Variants in LEKR1 observed in about 807,000 individuals in gnomAD.
LEKR1 encodes protein LEKR1.
LEKR1 carries 59 observed loss-of-function variants against 72.4 expected under a neutral mutation model. The ratio of observed to expected loss-of-function variants is 0.82; its 90% confidence interval spans 0.66 to 1.01. The LOEUF is 1.01. Ranked by LOEUF, LEKR1 falls within the 50% of genes least tolerant of loss-of-function variation. LEKR1 has a pLI of 0.00. For synonymous variants in LEKR1, 257 were observed against 263.2 expected (o/e 0.98, Z 0.23); for missense variants, 728 against 759.2 (o/e 0.96, Z 0.48).
chr3:156,835,799 T>C (rs866361856), intron 2 of LEKR1, among the ~76,000 whole-genome samples: 1 of 145,290 alleles, frequency 6.9e-6, no homozygotes, highest in African/African-American at 2.6e-5. Flanking sequence ...CTTCCTCCCT[T>C]CCTTCCTTCC....
intron 10 of LEKR1, among the ~76,000 whole-genome samples, chr3:157,013,759 A>T (rs1050099790): frequency 1.3e-5 from 2 of 152,142 alleles, no homozygotes; most frequent in Non-Finnish European, 1.5e-5. Flanking sequence ...CTCATGAGAA[A>T]GGAGAATCAT....
intron 6 of LEKR1, among the ~76,000 whole-genome samples, chr3:156,943,427 A>T (rs553906399): frequency 6.6e-6 from 1 of 151,932 alleles, no homozygotes; most frequent in Admixed American, 6.6e-5. Context: ...TATGTGAATT[A>T]TTTCTATCTG....
intron 4 of LEKR1, among the ~76,000 whole-genome samples, chr3:156,923,879 C>T (rs189939249): frequency 0.016 from 2,482 of 152,196 alleles, 52 homozygotes; most frequent in African/African-American, 0.042. Context: ...AGGTGCCCGC[C>T]GCCATGCCTG....
At chr3:156,856,868 T>C (rs1661579894) in intron 3 of LEKR1, among the ~76,000 whole-genome samples, 1 of 152,130 alleles carries the variant, frequency 6.6e-6, no homozygotes, top group South Asian at 2.1e-4. Context: ...ATAGTGCCTG[T>C]CATCTTTTTA....
At chr3:157,045,189 C>A in intron 12 of LEKR1, 151 bp from the exon 13 acceptor site, 2 of 626,790 alleles carry the variant, frequency 3.2e-6, no homozygotes, top group Non-Finnish European at 5.4e-6. Context: ...CTGTTCTTGA[C>A]TTGTCTGTCC....
At position 156,896,328 on chromosome 3, in the gene LEKR1, C is replaced by G. The variant is rs370065513; in HGVS notation, c.264-24247C>G. ...TTACCTATGTAACAAACCTGCACAT[C>G]CTGCACATGTACCATGGAACTTAAA... On this transcript the variant is annotated intron_variant, in intron 3 of 12. Transcript: ENST00000356539. 4.6e-5 allele frequency among the ~76,000 whole-genome samples: 7 copies of G among 151,924 alleles called. No homozygotes were observed. The East Asian group carries it at 1.3e-3, about 29-fold the overall frequency.
At chr3:156,862,493 T>C (rs555759346) in intron 3 of LEKR1, among the ~76,000 whole-genome samples, 2 of 152,220 alleles carry the variant, frequency 1.3e-5, no homozygotes, top group South Asian at 4.1e-4. Flanking sequence ...TTTCATCATC[T>C]GTAAAATGGA....
chr3:156,839,892 A>G (rs926465912), intron 2 of LEKR1, among the ~76,000 whole-genome samples: 1 of 152,192 alleles, frequency 6.6e-6, no homozygotes, highest in Admixed American at 6.5e-5. Flanking sequence ...GTTCGACAGA[A>G]GTTATGACAT....
At chr3:157,044,830 C>T (rs1275255894) in intron 12 of LEKR1, among the ~76,000 whole-genome samples, 2 of 152,154 alleles carry the variant, frequency 1.3e-5, no homozygotes, top group Non-Finnish European at 2.9e-5. Flanking sequence ...TGTTTCAACG[C>T]TATAGCTGAT....
chr3:157,041,597 CCTT>C (rs1273939797), intron 12 of LEKR1, among the ~76,000 whole-genome samples: 10 of 152,128 alleles, frequency 6.6e-5, no homozygotes, highest in African/African-American at 1.9e-4. Context: ...GTGTGCCTCT[CCTT>C]CTCTCACTGC....
intron 7 of LEKR1, among the ~76,000 whole-genome samples, chr3:156,981,173 A>G (rs1267165388): frequency 6.6e-6 from 1 of 152,172 alleles, no homozygotes. Context: ...GTTTGTGTAC[A>G]CTCAAGGATG....
chr3:156,916,834 T>C (rs1466399439), intron 3 of LEKR1, among the ~76,000 whole-genome samples: 2 of 152,094 alleles, frequency 1.3e-5, no homozygotes, highest in Non-Finnish European at 2.9e-5. Context: ...GTCTTGTTCT[T>C]GTTTTCAAGA....
intron 10 of LEKR1, among the ~76,000 whole-genome samples, chr3:157,018,937 C>T (rs774549991): frequency 6.6e-5 from 10 of 152,188 alleles, no homozygotes; most frequent in Non-Finnish European, 1.0e-4. Context: ...CTGCAGCCTA[C>T]ATATTCTGAT....
chr3:156,835,448 T>G (rs1234840103), intron 2 of LEKR1, among the ~76,000 whole-genome samples: 2 of 152,202 alleles, frequency 1.3e-5, no homozygotes, highest in African/African-American at 4.8e-5. Flanking sequence ...AATCAAGGGC[T>G]CCGTTTTTAC....
intron 3 of LEKR1, among the ~76,000 whole-genome samples, chr3:156,895,716 G>A (rs572140016): frequency 1.4e-4 from 22 of 152,278 alleles, no homozygotes; most frequent in African/African-American, 5.1e-4. Flanking sequence ...AACAACAGAT[G>A]CTGGCAAAAT....
chr3:157,000,221 G>A (rs1274464118), intron 9 of LEKR1, among the ~76,000 whole-genome samples: 5 of 152,076 alleles, frequency 3.3e-5, no homozygotes, highest in African/African-American at 1.2e-4. Flanking sequence ...AGAATAAGAA[G>A]TAAAGCTATA....
At chr3:157,041,440 G>C (rs1047147017) in intron 12 of LEKR1, among the ~76,000 whole-genome samples, 5 of 152,038 alleles carry the variant, frequency 3.3e-5, no homozygotes, top group African/African-American at 1.2e-4. Context: ...CTCCATATGA[G>C]CCTCAGGATT....
chr3:156,871,425 A>G (rs1014078831), intron 3 of LEKR1, among the ~76,000 whole-genome samples: 4 of 152,168 alleles, frequency 2.6e-5, no homozygotes, highest in African/African-American at 9.7e-5. Context: ...ATACGCGTGC[A>G]TGTGTCTTTA....
chr3:157,042,118 G>A (rs910541724), intron 12 of LEKR1, among the ~76,000 whole-genome samples: 1 of 152,166 alleles, frequency 6.6e-6, no homozygotes, highest in African/African-American at 2.4e-5. Flanking sequence ...TTTAGAGGAG[G>A]AGGTAATGGT....
Sources: allele counts gnomAD v4.1 joint callset (sites outside exome capture counted in the v4.1 genomes callset), GRCh38; gene constraint gnomAD v4.1.1; transcripts MANE v1.5; gene names NCBI Gene and HGNC (gene_info 2026-07-23, HGNC 2026-07-21).